Variants in CLPX observed in about 807,000 individuals in gnomAD.
CLPX encodes the protein caseinolytic mitochondrial matrix peptidase chaperone subunit X.
In CLPX, 34 loss-of-function variants were observed where a neutral mutation model predicts 76.4. The ratio of observed to expected loss-of-function variants is 0.45; its 90% CI spans 0.34 to 0.59. The LOEUF (loss-of-function observed/expected upper bound fraction) is 0.59. Ranked by LOEUF, CLPX falls within the 20% of genes least tolerant of loss-of-function variation. The probability of loss-of-function intolerance (pLI) is 0.01; values close to 1 mark genes in which losing one functional copy is unlikely to be tolerated. For synonymous variants in CLPX, 248 were observed against 270.9 expected, an observed-to-expected ratio of 0.92 and a Z score of 0.83; for missense variants, 613 against 757.0, an observed-to-expected ratio of 0.81 and a Z score of 2.23.
chr15:65,178,693 T>C lies in CLPX; in HGVS notation c.358+241A>G, dbSNP rs537203290. 5.6e-4 allele frequency among the ~76,000 whole-genome samples: 85 copies of C among 150,834 alleles called. 3 individuals are homozygous for C. In the South Asian group the frequency reaches 0.017, roughly 31 times the overall value. On this transcript the variant is annotated intron_variant, in intron 3 of 13. Coordinates refer to ENST00000300107, the MANE Select transcript of CLPX (RefSeq NM_006660.5). ...CTAAGACCACAGGTATGCACCACCATACCTGGCTTTTTTTTTTTTTTTGGA... is the reference window on the plus strand; with the variant it reads ...CTAAGACCACAGGTATGCACCACCACACCTGGCTTTTTTTTTTTTTTTGGA...
chr15:65,175,733 A>G (rs879443533), intron 3 of CLPX, among the ~76,000 whole-genome samples: 10 of 152,152 alleles, frequency 6.6e-5, no homozygotes, highest in Non-Finnish European at 5.9e-5. Context: ...TGAATTCCAG[A>G]TTTTCAGACT....
At position 65,173,385 on chromosome 15, in the gene CLPX, A is replaced by G. The variant is rs200743589; in HGVS notation, c.358+5549T>C. 9.2e-4 allele frequency among the ~76,000 whole-genome samples: 139 copies of G among 151,526 alleles called. No homozygotes were observed. The East Asian group carries it at 0.02, about 22-fold the overall frequency. On this transcript the variant is annotated intron_variant, in intron 3 of 13. Coordinates refer to ENST00000300107, the MANE Select transcript of CLPX (RefSeq NM_006660.5). The stretch of plus-strand genomic sequence containing the variant: ...TGTCTCAAAAAAAAAAAAAAAAAAA[A>G]AAGAAGACAGACAGACAAGTGGTAA...
chr15:65,157,223 A>G (rs2087801293), intron 8 of CLPX, among the ~76,000 whole-genome samples: 1 of 152,192 alleles, frequency 6.6e-6, no homozygotes, highest in South Asian at 2.1e-4. Context: ...TGGAAGCAGG[A>G]GGTATCTGCA....
chr15:65,153,051 G>A (rs748074869), intron 12 of CLPX, among the ~76,000 whole-genome samples: 4 of 151,662 alleles, frequency 2.6e-5, no homozygotes, highest in African/African-American at 4.8e-5. Flanking sequence ...GCCCGATCCC[G>A]ATTTTCTGTG....
chr15:65,171,391 G>A (rs757985034), intron 3 of CLPX, among the ~76,000 whole-genome samples: 2 of 151,582 alleles, frequency 1.3e-5, no homozygotes, highest in Non-Finnish European at 1.5e-5. Flanking sequence ...AGGTTGTAGT[G>A]AGCTGGGATC....
intron 3 of CLPX, among the ~76,000 whole-genome samples, chr15:65,168,006 A>T (rs1467645354): frequency 6.6e-6 from 1 of 152,114 alleles, no homozygotes; most frequent in Non-Finnish European, 1.5e-5. Flanking sequence ...TTTCTCAGTC[A>T]TACTGATTGG....
intron 3 of CLPX, among the ~76,000 whole-genome samples, chr15:65,178,661 G>C (rs1024455419): frequency 2.0e-5 from 3 of 150,498 alleles, no homozygotes; most frequent in Non-Finnish European, 4.4e-5. Context: ...CTTCTTAAAA[G>C]AAGTAGCTAA....
chr15:65,152,203 C>A (rs2087729856), intron 13 of CLPX, among the ~76,000 whole-genome samples: 1 of 152,192 alleles, frequency 6.6e-6, no homozygotes, highest in Non-Finnish European at 1.5e-5. Flanking sequence ...GCTGGGATTA[C>A]AGGTGTGAGC....
intron 1 of CLPX, among the ~76,000 whole-genome samples, chr15:65,181,182 G>A (rs2088164664): frequency 6.6e-6 from 1 of 151,716 alleles, no homozygotes; most frequent in Non-Finnish European, 1.5e-5. Context: ...CTGGGCAACA[G>A]AGGGAGACTC....
chr15:65,185,329 CTATTCACCAGAG>C lies in CLPX; in HGVS notation c.-188_-177del. On this transcript the variant is annotated 5_prime_UTR_variant, in exon 1 of 14. Transcript: ENST00000300107. ...TCACGCTTCTCTGCCCCACAGCCGTCTATTCACCAGAGTAGACACCCAACCCCCCCCTCCCTT... is the reference window on the plus strand; with the variant it reads ...TCACGCTTCTCTGCCCCACAGCCGTCTAGACACCCAACCCCCCCCTCCCTT... 1.7e-6 allele frequency: 1 copy of C among 587,806 alleles called. No individual in the cohort carries two copies. Among genetic ancestry groups the C allele is most frequent in the Non-Finnish European group, 3.0e-6 (1 of 331,156 alleles). The allele number at this position is 587,806 out of a possible 1,614,324, so 36.4% of individuals were successfully genotyped here. A position where few individuals can be genotyped will look rare whatever the true frequency, so the allele number is the denominator to read the frequency against.
intron 11 of CLPX, 54 bp downstream of exon 11, chr15:65,154,728 A>C: frequency 7.1e-7 from 1 of 1,400,960 alleles, no homozygotes. Context: ...TTTATGTAGA[A>C]TTTCAATAGC....
chr15:65,175,167 C>T (rs1018809188), intron 3 of CLPX, among the ~76,000 whole-genome samples: 40 of 152,250 alleles, frequency 2.6e-4, no homozygotes, highest in African/African-American at 9.6e-4. Flanking sequence ...AAGATGTTTA[C>T]AAACTAGTAT....
chr15:65,167,897 T>A (rs35408946), intron 3 of CLPX, among the ~76,000 whole-genome samples: 6,350 of 150,538 alleles, frequency 0.042, 419 homozygotes, highest in African/African-American at 0.14. Flanking sequence ...CAGAAAAAAA[T>A]ATATATATAA....
At chr15:65,181,229 G>A (rs1325277552) in intron 1 of CLPX, among the ~76,000 whole-genome samples, 1 of 151,882 alleles carries the variant, frequency 6.6e-6, no homozygotes, top group Non-Finnish European at 1.5e-5. Flanking sequence ...AAAAAATTGT[G>A]TTATTCCACT....
chr15:65,162,293 CAA>C (rs779009616), intron 6 of CLPX, among the ~76,000 whole-genome samples: 41 of 152,070 alleles, frequency 2.7e-4, no homozygotes, highest in Non-Finnish European at 5.3e-4. Context: ...TGCTTTCTGG[CAA>C]AGAGTAGCTA....
At chr15:65,183,824 C>T (rs147094401) in intron 1 of CLPX, among the ~76,000 whole-genome samples, 1 of 152,298 alleles carries the variant, frequency 6.6e-6, no homozygotes, top group East Asian at 1.9e-4. Flanking sequence ...CACCACTCTA[C>T]CTCCAGCACT....
chr15:65,183,805 G>C (rs1382984664), intron 1 of CLPX, among the ~76,000 whole-genome samples: 1 of 152,090 alleles, frequency 6.6e-6, no homozygotes, highest in Non-Finnish European at 1.5e-5. Flanking sequence ...ATGAGGGTGA[G>C]GACTTATTCA....
chr15:65,162,037 A>T (rs140991693), intron 6 of CLPX, among the ~76,000 whole-genome samples: 1 of 152,294 alleles, frequency 6.6e-6, no homozygotes, highest in Non-Finnish European at 1.5e-5. Flanking sequence ...AGGCCATGTG[A>T]ATCTTTCTAT....
intron 13 of CLPX, among the ~76,000 whole-genome samples, chr15:65,151,342 C>T (rs12915476): frequency 1.9e-5 from 1 of 51,688 alleles, no homozygotes; most frequent in East Asian, 1.0e-3. Context: ...AAGACTGAGT[C>T]TCAAAAAAAA....
Sources: allele counts gnomAD v4.1 joint callset (sites outside exome capture counted in the v4.1 genomes callset), GRCh38; gene constraint gnomAD v4.1.1; transcripts MANE v1.5; gene names NCBI Gene and HGNC (gene_info 2026-07-23, HGNC 2026-07-21).